The following STXBP5 variants were observed in gnomAD, a reference collection of about 807,000 sequenced individuals.
STXBP5 encodes the protein syntaxin-binding protein 5.
A neutral mutation model predicts 152.4 loss-of-function variants in STXBP5; 50 were observed. That is an observed-to-expected ratio of 0.33 (90% CI 0.26 to 0.42). The LOEUF (loss-of-function observed/expected upper bound fraction) is 0.42. Among genes scored for constraint, STXBP5 ranks in the 10% least tolerant of loss-of-function variants. STXBP5 has a pLI of 1.00. For synonymous variants in STXBP5, 492 were observed against 494.7 expected (o/e 0.99, Z 0.07); for missense variants, 1,167 against 1,388.6 (o/e 0.84, Z 2.54).
chr6:147,273,950 A>C (rs1473270540), intron 7 of STXBP5, among the ~76,000 whole-genome samples: 2 of 135,718 alleles, frequency 1.5e-5, no homozygotes, highest in East Asian at 2.0e-4. Flanking sequence ...AGACTCTGGC[A>C]AAAAAAAAAA....
chr6:147,228,277 A>G (rs1183039921), intron 2 of STXBP5, among the ~76,000 whole-genome samples: 2 of 152,278 alleles, frequency 1.3e-5, no homozygotes. Flanking sequence ...TCTTTGTTCT[A>G]TAATTAGATC....
chr6:147,384,699 T>G lies in STXBP5; in HGVS notation c.3415-15T>G. The G allele has an allele frequency of 6.2e-7, 1 of 1,607,904 alleles. No homozygotes were observed. Among genetic ancestry groups the G allele is most frequent in the Non-Finnish European group, 8.5e-7 (1 of 1,177,438 alleles). ...GCATTTTAAAAGCATGTTTTTCTTT[T>G]TTTTCCCCCTTTAGATTATGTTGAA... is the stretch of plus-strand genomic sequence containing the variant. On this transcript the variant is annotated splice_polypyrimidine_tract_variant and intron_variant, in intron 27 of 27. Transcript: ENST00000321680.
At chr6:147,260,825 A>G in intron 5 of STXBP5, 76 bp downstream of exon 5, 1 of 1,493,790 alleles carries the variant, frequency 6.7e-7, no homozygotes, top group African/African-American at 1.4e-5. Flanking sequence ...ATAGCCAATC[A>G]GTAAATCTGT....
intron 7 of STXBP5, among the ~76,000 whole-genome samples, chr6:147,273,677 C>T (rs961446192): frequency 5.9e-5 from 9 of 152,094 alleles, no homozygotes; most frequent in East Asian, 1.9e-4. Context: ...TGATGCCGGG[C>T]GTGGTGGCTC....
At chr6:147,345,026 CCT>C (rs1784259459) in intron 21 of STXBP5, among the ~76,000 whole-genome samples, 1 of 152,078 alleles carries the variant, frequency 6.6e-6, no homozygotes, top group South Asian at 2.1e-4. Flanking sequence ...TAAAGATTTA[CCT>C]CTATTTCAGG....
chr6:147,321,689 A>C (rs1170723897), intron 16 of STXBP5, among the ~76,000 whole-genome samples: 2 of 152,248 alleles, frequency 1.3e-5, no homozygotes, highest in Admixed American at 6.5e-5. Flanking sequence ...TCAAACAATC[A>C]TTTTGAAACT....
At chr6:147,379,247 G>A (rs1785957745) in intron 26 of STXBP5, among the ~76,000 whole-genome samples, 1 of 152,124 alleles carries the variant, frequency 6.6e-6, no homozygotes. Flanking sequence ...ATATTCACAG[G>A]TTCCAGGGAT....
At chr6:147,291,053 A>T in intron 8 of STXBP5, 41 bp from the exon 9 acceptor site, 1 of 1,466,658 alleles carries the variant, frequency 6.8e-7, no homozygotes, top group East Asian at 2.3e-5. Flanking sequence ...ATGTAGAGTA[A>T]CTTAGAATTT....
intron 16 of STXBP5, among the ~76,000 whole-genome samples, chr6:147,317,793 T>C (rs1334957512): frequency 1.3e-5 from 2 of 152,178 alleles, no homozygotes; most frequent in Non-Finnish European, 2.9e-5. Context: ...AATTCTACAC[T>C]TTTCCCCTTT....
intron 4 of STXBP5, among the ~76,000 whole-genome samples, chr6:147,242,626 G>A (rs1778605388): frequency 6.6e-6 from 1 of 152,072 alleles, no homozygotes; most frequent in African/African-American, 2.4e-5. Context: ...CTTAACCTTT[G>A]TGTTACAGTT....
intron 9 of STXBP5, among the ~76,000 whole-genome samples, chr6:147,305,138 T>G (rs1033351264): frequency 3.3e-5 from 5 of 152,130 alleles, no homozygotes; most frequent in African/African-American, 1.2e-4. Context: ...TAAGACAAGA[T>G]AAGTACAGAA....
At chr6:147,270,232 A>G (rs1170559363) in intron 7 of STXBP5, among the ~76,000 whole-genome samples, 4 of 151,788 alleles carry the variant, frequency 2.6e-5, no homozygotes, top group African/African-American at 9.7e-5. Context: ...CCTCGTCTCT[A>G]CTAAAAAATA....
intron 22 of STXBP5, among the ~76,000 whole-genome samples, chr6:147,356,900 G>GTA (rs943151945): frequency 6.6e-6 from 1 of 152,130 alleles, no homozygotes; most frequent in African/African-American, 2.4e-5. Context: ...TTAGATGTAA[G>GTA]TAGTAGAAGC....
chr6:147,220,445 G>C (rs1036204638), intron 2 of STXBP5, among the ~76,000 whole-genome samples: 1 of 152,042 alleles, frequency 6.6e-6, no homozygotes, highest in African/African-American at 2.4e-5. Flanking sequence ...TCTGCCTGCT[G>C]GATCTGTCCA....
rs185049520 is a variant in STXBP5, at chr6:147,355,400, A to G, written c.2305+2027A>G. On this transcript the variant is annotated intron_variant, in intron 22 of 27. Coordinates refer to ENST00000321680, the MANE Select transcript of STXBP5 (RefSeq NM_001127715.4). ...ACAGTAGCATGAAAACAGTGATTTT[A>G]TGGCATGATTGTATCAGGTGCAGCT... is the stretch of plus-strand genomic sequence containing the variant. 5.3e-5 allele frequency among the ~76,000 whole-genome samples: 8 copies of G among 152,280 alleles called. No individual in the cohort carries two copies. The East Asian group carries it at 1.4e-3, about 26-fold the overall frequency.
intron 6 of STXBP5, among the ~76,000 whole-genome samples, chr6:147,266,105 A>C (rs1027101628): frequency 1.3e-5 from 2 of 152,038 alleles, no homozygotes; most frequent in Non-Finnish European, 2.9e-5. Context: ...AAAGGTTCAA[A>C]GGTAAGAGAG....
chr6:147,237,463 T>A (rs1460782635), intron 3 of STXBP5, among the ~76,000 whole-genome samples: 1 of 152,196 alleles, frequency 6.6e-6, no homozygotes, highest in Admixed American at 6.5e-5. Context: ...TCTTCTCTTC[T>A]TCCTTGAGAT....
At chr6:147,211,500 C>T (rs919451774) in intron 2 of STXBP5, among the ~76,000 whole-genome samples, 3 of 151,842 alleles carry the variant, frequency 2.0e-5, no homozygotes, top group Admixed American at 1.3e-4. Flanking sequence ...TTATATAAAA[C>T]ATAATTATAC....
chr6:147,367,719 G>T (rs920596412), intron 25 of STXBP5, among the ~76,000 whole-genome samples: 2 of 151,684 alleles, frequency 1.3e-5, no homozygotes, highest in African/African-American at 4.8e-5. Context: ...CATCCAAGTG[G>T]AAAACAAAGA....
Sources: allele counts gnomAD v4.1 joint callset (sites outside exome capture counted in the v4.1 genomes callset), GRCh38; gene constraint gnomAD v4.1.1; transcripts MANE v1.5; gene names NCBI Gene and HGNC (gene_info 2026-07-23, HGNC 2026-07-21).